The following ANXA3 variants were observed in gnomAD, a reference collection of about 807,000 sequenced individuals.
ANXA3 encodes annexin A3, also known as 35-alpha calcimedin.
A neutral mutation model predicts 48.8 loss-of-function variants in ANXA3; 46 were observed. The ratio of observed to expected loss-of-function variants is 0.94; its 90% confidence interval spans 0.74 to 1.21. The LOEUF (loss-of-function observed/expected upper bound fraction) is 1.21, where lower values mean the gene tolerates loss of function less well. Ranked by LOEUF, ANXA3 falls within the 50% of genes most tolerant of loss-of-function variation. ANXA3 has a pLI of 0.00. For missense variants in ANXA3, 383 were observed against 378.6 expected (o/e 1.01, Z -0.10); for synonymous variants, 128 against 134.7 (o/e 0.95, Z 0.35).
At chr4:78,591,439 A>G (rs1723293113) in intron 6 of ANXA3, 105 bp from the exon 7 acceptor site, 2 of 741,224 alleles carry the variant, frequency 2.7e-6, no homozygotes, top group Non-Finnish European at 4.7e-6. Flanking sequence ...GATTTATCTT[A>G]TCACATACCC....
chr4:78,601,210 G>T (rs1480488734), intron 10 of ANXA3, among the ~76,000 whole-genome samples: 1 of 152,198 alleles, frequency 6.6e-6, no homozygotes, highest in Non-Finnish European at 1.5e-5. Context: ...AAGCGTAGGT[G>T]TTCGGGGTGT....
chr4:78,563,676 C>T (rs1255395908), intron 2 of ANXA3, among the ~76,000 whole-genome samples: 1 of 152,094 alleles, frequency 6.6e-6, no homozygotes, highest in South Asian at 2.1e-4. Context: ...TTATAAGACA[C>T]CCAGTTTGTG....
chr4:78,567,517 C>G (rs1722757353), intron 2 of ANXA3, among the ~76,000 whole-genome samples: 1 of 152,132 alleles, frequency 6.6e-6, no homozygotes, highest in African/African-American at 2.4e-5. Context: ...CATGGAGACA[C>G]CAAGAGAATG....
Position 78,582,301 on chromosome 4 carries a change from C to G in ANXA3, c.312+11C>G. ...AAGAAATCCATGAAGGTATGAGCCC[C>G]CCACAAGCCATTTCTGCCCAGGGTT... is the stretch of plus-strand genomic sequence containing the variant. On this transcript the variant is annotated intron_variant, in intron 5 of 12. Coordinates refer to ENST00000264908, the MANE Select transcript of ANXA3 (RefSeq NM_005139.3). 1 of 1,572,674 alleles carries G rather than the reference C, an allele frequency of 6.4e-7. No individual in the cohort carries two copies. The highest frequency in any genetic ancestry group is 1.4e-5 in the African/African-American group (1 of 73,960).
intron 3 of ANXA3, among the ~76,000 whole-genome samples, chr4:78,576,103 T>G (rs1009541574): frequency 3.3e-5 from 5 of 152,204 alleles, no homozygotes; most frequent in African/African-American, 1.2e-4. Flanking sequence ...TATTAGGATT[T>G]TATAATGACA....
At chr4:78,600,040 C>T (rs759839984) in intron 10 of ANXA3, among the ~76,000 whole-genome samples, 5 of 152,094 alleles carry the variant, frequency 3.3e-5, no homozygotes, top group African/African-American at 7.2e-5. Context: ...ACAGGAAACA[C>T]GTCTGGCAGT....
chr4:78,559,943 T>C (rs866978152), intron 2 of ANXA3, among the ~76,000 whole-genome samples: 5 of 152,326 alleles, frequency 3.3e-5, no homozygotes, highest in Middle Eastern at 3.4e-3. Context: ...ATGTATTTCT[T>C]GCCAAATAAT....
chr4:78,591,192 C>G (rs578115306), intron 6 of ANXA3, among the ~76,000 whole-genome samples: 1 of 152,150 alleles, frequency 6.6e-6, no homozygotes, highest in Non-Finnish European at 1.5e-5. Context: ...TTAGGGTTCT[C>G]TTAGTATGGA....
intron 2 of ANXA3, among the ~76,000 whole-genome samples, chr4:78,560,592 TA>T (rs1429726906): frequency 6.6e-6 from 1 of 152,210 alleles, no homozygotes; most frequent in Non-Finnish European, 1.5e-5. Context: ...GGAGTTCCAT[TA>T]TGTAGACACG....
At chr4:78,595,725 C>A in intron 8 of ANXA3, 69 bp from the exon 9 acceptor site, 2 of 987,424 alleles carry the variant, frequency 2.0e-6, no homozygotes, top group South Asian at 1.4e-5. Context: ...AAATACAACT[C>A]CGATTCTTCT....
chr4:78,553,158 G>T (rs1722435448), intron 1 of ANXA3, among the ~76,000 whole-genome samples: 1 of 152,180 alleles, frequency 6.6e-6, no homozygotes, highest in Non-Finnish European at 1.5e-5. Flanking sequence ...TGGGGGTTAG[G>T]TTCATACCTT....
intron 2 of ANXA3, among the ~76,000 whole-genome samples, chr4:78,570,223 C>A (rs961431779): frequency 6.6e-6 from 1 of 152,156 alleles, no homozygotes; most frequent in African/African-American, 2.4e-5. Flanking sequence ...TATTCCTCCC[C>A]CATTTAATTC....
At chr4:78,594,936 C>G (rs893313214) in intron 7 of ANXA3, among the ~76,000 whole-genome samples, 1 of 152,100 alleles carries the variant, frequency 6.6e-6, no homozygotes, top group South Asian at 2.1e-4. Context: ...GAGTTTGAGA[C>G]CAGCCTGGGC....
At chr4:78,601,735 A>G in intron 11 of ANXA3, 167 bp downstream of exon 11, 1 of 526,010 alleles carries the variant, frequency 1.9e-6, no homozygotes, top group Non-Finnish European at 3.3e-6. Flanking sequence ...CACTCTTTAC[A>G]CAGACACCTG....
At chr4:78,579,611 A>G (rs759600617) in intron 4 of ANXA3, among the ~76,000 whole-genome samples, 1 of 152,216 alleles carries the variant, frequency 6.6e-6, no homozygotes, top group East Asian at 1.9e-4. Flanking sequence ...TAAAATATTT[A>G]TGTAGTTATA....
chr4:78,575,308 G>T (rs1292349124), intron 3 of ANXA3, among the ~76,000 whole-genome samples: 2 of 148,370 alleles, frequency 1.3e-5, no homozygotes, highest in Non-Finnish European at 1.5e-5. Flanking sequence ...TAAGTTTATG[G>T]TTTTTTTTTT....
At chr4:78,586,216 G>A (rs779247840) in intron 5 of ANXA3, 44 bp from the exon 6 acceptor site, 37 of 1,494,224 alleles carry the variant, frequency 2.5e-5, no homozygotes, top group Non-Finnish European at 3.3e-5. Context: ...ATGAGATTAA[G>A]TTATTTAAGT....
intron 10 of ANXA3, among the ~76,000 whole-genome samples, chr4:78,598,571 G>A (rs1344322392): frequency 6.7e-6 from 1 of 150,372 alleles, no homozygotes; most frequent in Admixed American, 6.6e-5. Context: ...ACGGAGTCTC[G>A]CTCGGTTGCC....
At chr4:78,595,587 C>G (rs1022000654) in intron 8 of ANXA3, 150 bp downstream of exon 8, 5 of 977,728 alleles carry the variant, frequency 5.1e-6, no homozygotes, top group Admixed American at 2.8e-5. Flanking sequence ...GCTTGGGGAT[C>G]GGAACCCTAA....
Sources: allele counts gnomAD v4.1 joint callset (sites outside exome capture counted in the v4.1 genomes callset), GRCh38; gene constraint gnomAD v4.1.1; transcripts MANE v1.5; gene names NCBI Gene and HGNC (gene_info 2026-07-23, HGNC 2026-07-21).